BACH2: variants seen among roughly 807,000 people sequenced by gnomAD.
BACH2 encodes the protein transcription regulator protein BACH2.
In BACH2, 5 loss-of-function variants were observed where a neutral mutation model predicts 61.8. The observed-to-expected ratio is 0.08, with a 90% CI of 0.04 to 0.17. The LOEUF (loss-of-function observed/expected upper bound fraction) is 0.17, where lower values mean the gene tolerates loss of function less well. Among genes scored for constraint, BACH2 ranks in the 10% least tolerant of loss-of-function variants. BACH2 has a pLI of 1.00. For missense variants in BACH2, 824 were observed against 1,091.1 expected (o/e 0.76, Z 3.45); for synonymous variants, 446 against 440.1 (o/e 1.01, Z -0.17).
At chr6:89,981,085 T>A (rs575814347) in intron 6 of BACH2, among the ~76,000 whole-genome samples, 1 of 152,284 alleles carries the variant, frequency 6.6e-6, no homozygotes, top group Non-Finnish European at 1.5e-5. Context: ...AGACAATAGT[T>A]GTTTTAGCTT....
intron 2 of BACH2, among the ~76,000 whole-genome samples, chr6:90,257,690 A>T (rs1313124148): frequency 6.6e-6 from 1 of 152,084 alleles, no homozygotes; most frequent in Non-Finnish European, 1.5e-5. Context: ...ACTGATTGGA[A>T]TTTTTTCCCA....
At chr6:90,292,805 A>C (rs1204622756) in intron 1 of BACH2, among the ~76,000 whole-genome samples, 4 of 152,232 alleles carry the variant, frequency 2.6e-5, no homozygotes, top group African/African-American at 9.7e-5. Flanking sequence ...TCATCCAAAA[A>C]TTTTTTAAAG....
intron 4 of BACH2, among the ~76,000 whole-genome samples, chr6:90,192,231 T>G (rs1768599361): frequency 6.6e-6 from 1 of 152,168 alleles, no homozygotes; most frequent in Admixed American, 6.5e-5. Flanking sequence ...GCTATCACTC[T>G]CTTTTTCATG....
At chr6:89,996,452 A>AGTCTAAATTCTTTT (rs946632338) in intron 6 of BACH2, among the ~76,000 whole-genome samples, 4 of 152,212 alleles carry the variant, frequency 2.6e-5, no homozygotes, top group Admixed American at 2.6e-4. Flanking sequence ...TACCTGGTCA[A>AGTCTAAATTCTTTT]GTCTAAATTC....
intron 5 of BACH2, among the ~76,000 whole-genome samples, chr6:90,027,570 C>CA (rs1778699075): frequency 6.6e-6 from 1 of 152,136 alleles, no homozygotes. Flanking sequence ...ATGGGTGCCA[C>CA]AAGGGCTCAT....
chr6:90,003,177 A>C (rs1207920437), intron 6 of BACH2, among the ~76,000 whole-genome samples: 1 of 152,122 alleles, frequency 6.6e-6, no homozygotes, highest in African/African-American at 2.4e-5. Context: ...CCAAAAAAAG[A>C]CCAATCGCTC....
In BACH2 at chr6:89,930,426, A is replaced by G. The variant is rs186173759; in HGVS notation, c.*1982T>C. 1 of 152,848 alleles carries G rather than the reference A, an allele frequency of 6.5e-6. No individual in the cohort carries two copies. Among genetic ancestry groups the G allele is most frequent in the Admixed American group, 6.5e-5 (1 of 15,292 alleles). 9.5% of individuals were successfully genotyped at this position (152,848 alleles called of 1,614,324 possible). A position where few individuals can be genotyped will look rare whatever the true frequency, so the allele number is the denominator to read the frequency against. On this transcript the variant is annotated 3_prime_UTR_variant, in exon 9 of 9. Transcript: ENST00000257749. ...TTTACATGCAGCTTTAATATTGTCC[A>G]AACAATGGCACAAATAAAGAAACAA...
intron 3 of BACH2, among the ~76,000 whole-genome samples, chr6:90,241,003 G>A (rs1334945441): frequency 2.6e-5 from 4 of 151,660 alleles, no homozygotes; most frequent in Admixed American, 2.0e-4. Flanking sequence ...GCGTGGTGGC[G>A]TGCGCCTGTA....
intron 5 of BACH2, among the ~76,000 whole-genome samples, chr6:90,013,569 C>G (rs1225179318): frequency 2.7e-5 from 4 of 148,802 alleles, no homozygotes; most frequent in African/African-American, 7.5e-5. Flanking sequence ...TGCAGTGGCG[C>G]GATCTCGGCT....
intron 3 of BACH2, among the ~76,000 whole-genome samples, chr6:90,244,004 C>T (rs1370204467): frequency 1.3e-5 from 2 of 152,208 alleles, no homozygotes; most frequent in African/African-American, 4.8e-5. Flanking sequence ...TCACTGCAAC[C>T]TCCATCTCCT....
intron 5 of BACH2, among the ~76,000 whole-genome samples, chr6:90,012,788 C>T (rs1302170468): frequency 1.3e-5 from 2 of 151,930 alleles, no homozygotes; most frequent in African/African-American, 4.8e-5. Context: ...GCCTCAGCCT[C>T]CGGAGTAGCT....
chr6:90,256,462 T>C (rs545607580), intron 2 of BACH2, among the ~76,000 whole-genome samples: 1 of 152,256 alleles, frequency 6.6e-6, no homozygotes, highest in South Asian at 2.1e-4. Context: ...ATGGTGAAGA[T>C]GGAGAAACTA....
rs538694527 is a variant in BACH2, at chr6:90,194,154, T to C, written c.-162+12415A>G. ...ACTTGGGTACTAAAGATGAGAACACTGTGAAATGAGTTATCAGCCTTTTCC... is the reference window on the plus strand; with the variant it reads ...ACTTGGGTACTAAAGATGAGAACACCGTGAAATGAGTTATCAGCCTTTTCC... On this transcript the variant is annotated intron_variant, in intron 4 of 8. Coordinates refer to ENST00000257749, the MANE Select transcript of BACH2 (RefSeq NM_021813.4). Among the ~76,000 whole-genome samples the C allele has an allele frequency of 1.1e-4, 16 of 152,234 alleles. No individual in the cohort carries two copies. In the South Asian group the frequency reaches 3.1e-3, roughly 30 times the overall value.
rs188123656 is a variant in BACH2 at position 89,937,810 on chromosome 6, C to T, written c.2043+334G>A. ...CCTTTCAAAGTGCTAGGATTACAGG[C>T]GTGAGCCACCACATCTGGCCAACAT... On this transcript the variant is annotated intron_variant, in intron 8 of 8. Coordinates refer to ENST00000257749, the MANE Select transcript of BACH2 (RefSeq NM_021813.4). 3.9e-3 allele frequency among the ~76,000 whole-genome samples: 589 copies of T among 152,256 alleles called. 4 individuals carry two copies. The highest frequency in any genetic ancestry group is 0.014 in the African/African-American group (565 of 41,552).
intron 5 of BACH2, among the ~76,000 whole-genome samples, chr6:90,030,243 A>T (rs1778892062): frequency 6.6e-6 from 1 of 152,124 alleles, no homozygotes; most frequent in Non-Finnish European, 1.5e-5. Flanking sequence ...TCAGGAAAAC[A>T]GCCAGCACAC....
chr6:90,000,826 C>A (rs1301811974), intron 6 of BACH2, among the ~76,000 whole-genome samples: 1 of 152,188 alleles, frequency 6.6e-6, no homozygotes, highest in African/African-American at 2.4e-5. Flanking sequence ...TCTGAAAAGT[C>A]AGGGAAAAGT....
intron 6 of BACH2, among the ~76,000 whole-genome samples, chr6:89,977,292 C>T (rs1582128960): frequency 6.6e-6 from 1 of 152,140 alleles, no homozygotes; most frequent in East Asian, 1.9e-4. Flanking sequence ...AGAAGGTTAG[C>T]TATTATCTTA....
intron 4 of BACH2, among the ~76,000 whole-genome samples, chr6:90,200,724 T>C (rs1768928506): frequency 6.6e-6 from 1 of 152,198 alleles, no homozygotes; most frequent in Non-Finnish European, 1.5e-5. Context: ...GTGTCCTATG[T>C]TTCCACCCTC....
chr6:89,999,491 G>T (rs1261129158), intron 6 of BACH2, among the ~76,000 whole-genome samples: 2 of 151,544 alleles, frequency 1.3e-5, no homozygotes, highest in African/African-American at 2.4e-5. Flanking sequence ...AATCTGGATG[G>T]GAAGTAGAAA....
Sources: allele counts gnomAD v4.1 joint callset (sites outside exome capture counted in the v4.1 genomes callset), GRCh38; gene constraint gnomAD v4.1.1; transcripts MANE v1.5; gene names NCBI Gene and HGNC (gene_info 2026-07-23, HGNC 2026-07-21).